Variants in BRCA1 observed in about 807,000 individuals in gnomAD.
BRCA1 encodes BRCA1 DNA repair associated, also known as breast cancer type 1 susceptibility protein.
BRCA1 carries 140 observed loss-of-function variants against 173.7 expected under a neutral mutation model. That is an observed-to-expected ratio of 0.81 (90% CI 0.70 to 0.93). The LOEUF is 0.93. Among genes scored for constraint, BRCA1 ranks in the 40% least tolerant of loss-of-function variants. BRCA1 has a pLI of 0.00. For synonymous variants in BRCA1, 662 were observed against 756.0 expected, an observed-to-expected ratio of 0.88 and a Z score of 2.04; for missense variants, 1,983 against 2,172.5, an observed-to-expected ratio of 0.91 and a Z score of 1.73.
At chr17:43,153,487 T>C (rs1410045158) in intron 1 of BRCA1, 2 of 152,238 alleles carry the variant, frequency 1.3e-5, no homozygotes, top group Non-Finnish European at 2.9e-5. Flanking sequence ...ATGTAATATA[T>C]GTCTCAATTA....
rs571445368 is a variant in BRCA1, at chr17:43,097,592, GA to G, written c.548-304del. ...ACAAAGTGAGACCCCCGTTTCTACTGAAAACAAAAACAAAAACAAAAAAAAA... is the reference window on the plus strand; with the variant it reads ...ACAAAGTGAGACCCCCGTTTCTACTGAAACAAAAACAAAAACAAAAAAAAA... On this transcript the variant is annotated intron_variant, in intron 7 of 22. Coordinates refer to ENST00000357654, the MANE Select transcript of BRCA1 (RefSeq NM_007294.4). Among the ~76,000 whole-genome samples the G allele has an allele frequency of 5.2e-4, 79 of 151,970 alleles. 1 individual carries two copies. The highest frequency in any genetic ancestry group is 1.9e-3 in the African/African-American group (79 of 41,458).
chr17:43,168,185 AAGATTTTCTGCAT>A (rs1486202346), intron 1 of BRCA1: 2 of 411,744 alleles, frequency 4.9e-6, no homozygotes, highest in Admixed American at 3.1e-5. Context: ...TGGACACTGT[AAGATTTTCTGCAT>A]AGCATTAAGG....
intron 1 of BRCA1, among the ~76,000 whole-genome samples, chr17:43,168,635 G>A (rs1175957916): frequency 2.6e-5 from 4 of 152,158 alleles, no homozygotes; most frequent in African/African-American, 7.2e-5. Context: ...GCGAAGCTCC[G>A]TCTCAAAAAT....
chr17:43,070,499 T>C (rs1381857723), intron 15 of BRCA1, among the ~76,000 whole-genome samples: 1 of 152,090 alleles, frequency 6.6e-6, no homozygotes, highest in Non-Finnish European at 1.5e-5. Context: ...AAACAAACAC[T>C]AGAGAAATGC....
intron 2 of BRCA1, among the ~76,000 whole-genome samples, chr17:43,122,600 T>C (rs1362111649): frequency 6.6e-6 from 1 of 152,076 alleles, no homozygotes; most frequent in Non-Finnish European, 1.5e-5. Flanking sequence ...GAAAAGGTGG[T>C]ATTTCAATCA....
At chr17:43,170,050 T>C (rs2056315596) in intron 1 of BRCA1, 1 of 412,618 alleles carries the variant, frequency 2.4e-6, no homozygotes, top group South Asian at 1.9e-5. Context: ...GCAGAGTAGA[T>C]GCAGGCAAGC....
chr17:43,129,042 A>G (rs897580408), upstream of BRCA1, among the ~76,000 whole-genome samples: 3 of 151,880 alleles, frequency 2.0e-5, no homozygotes, highest in African/African-American at 7.3e-5. Flanking sequence ...CATTAAAGGG[A>G]TTTTGTTGAG....
chr17:43,112,865 G>A (rs1170995391), intron 3 of BRCA1, among the ~76,000 whole-genome samples: 13 of 151,204 alleles, frequency 8.6e-5, no homozygotes, highest in African/African-American at 1.2e-4. Flanking sequence ...GTGCAATGGC[G>A]CAATCTCGGC....
chr17:43,083,878 T>A (rs1034259598), intron 11 of BRCA1, among the ~76,000 whole-genome samples: 1 of 152,148 alleles, frequency 6.6e-6, no homozygotes, highest in East Asian at 1.9e-4. Flanking sequence ...TTATTTATTT[T>A]TTTTGAGACA....
intron 12 of BRCA1, among the ~76,000 whole-genome samples, chr17:43,079,963 C>A (rs888011214): frequency 2.6e-5 from 4 of 152,078 alleles, no homozygotes; most frequent in Non-Finnish European, 5.9e-5. Flanking sequence ...AGAGCAAAAC[C>A]TTTCTGCTTT....
chr17:43,105,154 C>G (rs45528433), intron 4 of BRCA1, among the ~76,000 whole-genome samples, 198 bp from the exon 5 acceptor site: 1 of 152,160 alleles, frequency 6.6e-6, no homozygotes, highest in Non-Finnish European at 1.5e-5. Flanking sequence ...TTCATTTAAG[C>G]CTACCAAATG....
chr17:43,103,754 A>G (rs183504832), intron 6 of BRCA1, among the ~76,000 whole-genome samples: 1 of 152,262 alleles, frequency 6.6e-6, no homozygotes, highest in Non-Finnish European at 1.5e-5. Flanking sequence ...ATGAGCATCT[A>G]GCACATTCAC....
intron 19 of BRCA1, among the ~76,000 whole-genome samples, chr17:43,052,359 C>T (rs2051278089): frequency 6.6e-6 from 1 of 152,132 alleles, no homozygotes; most frequent in Middle Eastern, 3.4e-3. Flanking sequence ...TAGCTTGCTG[C>T]AGTATTGAAC....
At chr17:43,084,332 A>C (rs1239806710) in intron 11 of BRCA1, among the ~76,000 whole-genome samples, 2 of 151,982 alleles carry the variant, frequency 1.3e-5, no homozygotes, top group Non-Finnish European at 2.9e-5. Context: ...ACCTGGCCTA[A>C]TTTTTGTATT....
At chr17:43,100,545 TGTGTGTG>T (rs2054341663) in intron 6 of BRCA1, among the ~76,000 whole-genome samples, 1 of 80,766 alleles carries the variant, frequency 1.2e-5, no homozygotes. Context: ...TACATATATA[TGTGTGTG>T]TGTGTGTATA....
At chr17:43,162,527 A>G (rs1463081924) in intron 1 of BRCA1, 2 of 152,200 alleles carry the variant, frequency 1.3e-5, no homozygotes, top group East Asian at 1.9e-4. Flanking sequence ...CCTGGGCTAC[A>G]TACCTTGTAC....
At position 43,063,946 on chromosome 17, in the gene BRCA1, C is replaced by A. The variant is rs80356896; in HGVS notation, c.5080G>T (p.Glu1694Ter). 1.9e-6 allele frequency: 3 copies of A among 1,614,030 alleles called. No homozygotes were observed. The highest frequency in any genetic ancestry group is 2.5e-6 in the Non-Finnish European group (3 of 1,179,924). The change falls in exon 17 of 23, where the codon GAG becomes TAG. Residue 1694 changes from glutamate to a stop codon, truncating the protein, a stop_gained. Transcript: ENST00000357654. LOFTEE classifies it high-confidence loss of function. Reference sequence around the variant, plus strand: ...TTCAGTGTCCGTTCACACACAAACTCAGCATCTGCAGAATGAAAAACACTC... The same window carrying A: ...TTCAGTGTCCGTTCACACACAAACTAAGCATCTGCAGAATGAAAAACACTC... Reference protein sequence around the residue: ...TTHVVMKTDAEFVCERTLKYF... With the variant: ...TTHVVMKTDA
upstream of BRCA1, among the ~76,000 whole-genome samples, chr17:43,128,834 G>A (rs991785940): frequency 2.7e-5 from 3 of 112,296 alleles, no homozygotes; most frequent in African/African-American, 8.1e-5. Context: ...TTTTTTTTTC[G>A]AGACAAAGTC....
intron 7 of BRCA1, among the ~76,000 whole-genome samples, chr17:43,098,661 C>CA: frequency 6.6e-6 from 1 of 151,568 alleles, no homozygotes; most frequent in East Asian, 2.0e-4. Flanking sequence ...GCCACCGCAC[C>CA]GGCCAAAAAT....
Sources: gnomAD v4.1 joint callset for allele counts (sites outside exome capture counted in the v4.1 genomes callset) on GRCh38, gnomAD v4.1.1 for gene constraint, MANE v1.5 for transcripts, NCBI Gene and HGNC (gene_info 2026-07-23, HGNC 2026-07-21) for gene names.